SLC16A10: variants seen among roughly 807,000 people sequenced by gnomAD.
SLC16A10 encodes monocarboxylate transporter 10.
A neutral mutation model predicts 40.0 loss-of-function variants in SLC16A10; 27 were observed. That is an observed-to-expected ratio of 0.67 (90% CI 0.50 to 0.93). The LOEUF is 0.93. Ranked by LOEUF, SLC16A10 falls within the 40% of genes least tolerant of loss-of-function variation. The probability of loss-of-function intolerance (pLI) is 0.00; values close to 1 mark genes in which losing one functional copy is unlikely to be tolerated. For missense variants in SLC16A10, 529 were observed against 658.2 expected (o/e 0.80, Z 2.15); for synonymous variants, 213 against 249.8 (o/e 0.85, Z 1.39).
chr6:111,153,070 G>A (rs780167727), intron 1 of SLC16A10, among the ~76,000 whole-genome samples: 1 of 152,166 alleles, frequency 6.6e-6, no homozygotes, highest in Non-Finnish European at 1.5e-5. Flanking sequence ...GAGAGAGAGG[G>A]TGCTGAGAGC....
chr6:111,188,273 C>G (rs879306888), intron 3 of SLC16A10, among the ~76,000 whole-genome samples: 141 of 141,780 alleles, frequency 9.9e-4, no homozygotes, highest in Non-Finnish European at 1.9e-3. Flanking sequence ...CTCTCTCCCT[C>G]TCTCCCTCCC....
At position 111,108,711 on chromosome 6, in the gene SLC16A10, T is replaced by G. The variant is rs950350233; in HGVS notation, c.343+20616T>G. Among the ~76,000 whole-genome samples the G allele has an allele frequency of 1.2e-4, 19 of 152,192 alleles. 1 individual carries two copies. The highest frequency in any genetic ancestry group is 1.2e-3 in the Admixed American group (18 of 15,272). ...GTATTCACCCTTTGAAATTTGAGGT[T>G]TCCATTCAGGAGGTTCTCAAAGAGA... On this transcript the variant is annotated intron_variant, in intron 1 of 5. Coordinates refer to ENST00000368851, the MANE Select transcript of SLC16A10 (RefSeq NM_018593.5).
Position 111,164,138 on chromosome 6 carries a change from C to T in SLC16A10, c.344-8557C>T, listed in dbSNP as rs1465563517. 3.9e-5 allele frequency among the ~76,000 whole-genome samples: 6 copies of T among 152,260 alleles called. No individual in the cohort carries two copies. In the East Asian group the frequency reaches 1.2e-3, roughly 29 times the overall value. On this transcript the variant is annotated intron_variant, in intron 1 of 5. Transcript: ENST00000368851. ...TGCAAGATTAATTTTTACAAACCTT[C>T]CACAACCTTCAACTTTATCTTATCC... is the stretch of plus-strand genomic sequence containing the variant.
chr6:111,169,957 C>T (rs1452189584), intron 1 of SLC16A10, among the ~76,000 whole-genome samples: 1 of 138,982 alleles, frequency 7.2e-6, no homozygotes, highest in Non-Finnish European at 1.5e-5. Context: ...CACTCTGTCC[C>T]CCAGGTTGGA....
intron 1 of SLC16A10, among the ~76,000 whole-genome samples, chr6:111,154,171 C>T (rs554631382): frequency 3.3e-5 from 5 of 152,228 alleles, no homozygotes; most frequent in East Asian, 1.9e-4. Context: ...TTCTTCTTAA[C>T]TAGCTTCCCA....
At chr6:111,120,444 A>G (rs1771563291) in intron 1 of SLC16A10, among the ~76,000 whole-genome samples, 1 of 152,248 alleles carries the variant, frequency 6.6e-6, no homozygotes, top group Non-Finnish European at 1.5e-5. Context: ...AAATGCCAAA[A>G]TGCCAGTTGA....
intron 3 of SLC16A10, among the ~76,000 whole-genome samples, chr6:111,203,248 A>G (rs1004116372): frequency 6.6e-6 from 1 of 152,196 alleles, no homozygotes; most frequent in Non-Finnish European, 1.5e-5. Context: ...CAAGTAGAAC[A>G]TACCAGACCT....
intron 3 of SLC16A10, among the ~76,000 whole-genome samples, chr6:111,189,883 C>T (rs1316458977): frequency 6.6e-6 from 1 of 152,166 alleles, no homozygotes; most frequent in East Asian, 1.9e-4. Context: ...CACAGCCAAA[C>T]CATATCATTC....
chr6:111,216,570 CTT>C (rs55837060), intron 4 of SLC16A10, among the ~76,000 whole-genome samples: 91,060 of 133,614 alleles, frequency 0.68, 30,483 homozygotes, highest in South Asian at 0.75. Context: ...GCCCGGCTAA[CTT>C]TTTTTTTTTT....
At chr6:111,161,222 C>CAAAAAAAAA (rs57463212) in intron 1 of SLC16A10, among the ~76,000 whole-genome samples, 15 of 42,414 alleles carry the variant, frequency 3.5e-4, no homozygotes, top group Non-Finnish European at 4.7e-4. Context: ...GACAGTGTCT[C>CAAAAAAAAA]AAAAAAAAAA....
intron 3 of SLC16A10, among the ~76,000 whole-genome samples, chr6:111,192,156 G>A (rs886916576): frequency 2.0e-5 from 3 of 152,018 alleles, no homozygotes; most frequent in Non-Finnish European, 2.9e-5. Context: ...CTGTTGCATC[G>A]TCAGGCTGCA....
chr6:111,149,812 C>T (rs985005088), intron 1 of SLC16A10, among the ~76,000 whole-genome samples: 2 of 152,150 alleles, frequency 1.3e-5, no homozygotes, highest in Non-Finnish European at 2.9e-5. Context: ...TTTTGTGCTA[C>T]TCCTTTTCTC....
chr6:111,179,978 C>T (rs1205088057), intron 3 of SLC16A10, among the ~76,000 whole-genome samples: 1 of 152,160 alleles, frequency 6.6e-6, no homozygotes, highest in Non-Finnish European at 1.5e-5. Flanking sequence ...CCTCCTTATA[C>T]AGGGAAAAGG....
intron 1 of SLC16A10, among the ~76,000 whole-genome samples, chr6:111,160,330 C>T (rs1450546223): frequency 6.6e-6 from 1 of 152,208 alleles, no homozygotes; most frequent in African/African-American, 2.4e-5. Context: ...CCTCCACCTC[C>T]TGGGTTCAAG....
intron 1 of SLC16A10, among the ~76,000 whole-genome samples, chr6:111,089,320 T>C (rs1160513324): frequency 6.6e-6 from 1 of 152,226 alleles, no homozygotes; most frequent in Admixed American, 6.5e-5. Context: ...TTGTGACTTA[T>C]CCACATAATA....
chr6:111,203,935 G>A (rs964084597), intron 3 of SLC16A10, among the ~76,000 whole-genome samples: 3 of 151,916 alleles, frequency 2.0e-5, no homozygotes, highest in African/African-American at 7.3e-5. Flanking sequence ...TTGACAGACA[G>A]GTGTTCTTAG....
chr6:111,150,222 A>T (rs1150079), intron 1 of SLC16A10, among the ~76,000 whole-genome samples: 75,619 of 152,080 alleles, frequency 0.5, 19,664 homozygotes, highest in East Asian at 0.69. Flanking sequence ...TTTCCTTGCC[A>T]CCTCATGCAT....
chr6:111,105,303 A>G (rs967334848), intron 1 of SLC16A10, among the ~76,000 whole-genome samples: 4 of 152,186 alleles, frequency 2.6e-5, no homozygotes, highest in Admixed American at 6.5e-5. Flanking sequence ...TGAGCCAACT[A>G]CTTCATTCAC....
At chr6:111,170,901 GC>G (rs1316440274) in intron 1 of SLC16A10, among the ~76,000 whole-genome samples, 1 of 152,170 alleles carries the variant, frequency 6.6e-6, no homozygotes, top group African/African-American at 2.4e-5. Context: ...AATTTGGGAG[GC>G]CAGGGTGGGC....
Sources: gnomAD v4.1 joint callset for allele counts (sites outside exome capture counted in the v4.1 genomes callset) on GRCh38, gnomAD v4.1.1 for gene constraint, MANE v1.5 for transcripts, NCBI Gene and HGNC (gene_info 2026-07-23, HGNC 2026-07-21) for gene names.